C12orf42: variants seen among roughly 807,000 people sequenced by gnomAD.
C12orf42 encodes the protein chromosome 12 open reading frame 42, also known as uncharacterized protein C12orf42.
A neutral mutation model predicts 21.6 loss-of-function variants in C12orf42; 25 were observed. That is an observed-to-expected ratio of 1.16 (90% CI 0.84 to 1.62). The LOEUF (loss-of-function observed/expected upper bound fraction) is 1.62. Among genes scored for constraint, C12orf42 ranks in the 40% most tolerant of loss-of-function variants. The pLI, the probability that C12orf42 is intolerant of heterozygous loss-of-function variation, is 0.00. For missense variants in C12orf42, 483 were observed against 459.3 expected (o/e 1.05, Z -0.47); for synonymous variants, 174 against 175.0 (o/e 0.99, Z 0.05).
At chr12:103,105,690 A>G in the C12orf42 span, among the ~76,000 whole-genome samples, 17 of 152,232 alleles carry the variant, frequency 1.1e-4, no homozygotes, top group Non-Finnish European at 1.9e-4. Context: ...CTGAAAACTC[A>G]GACAGTAGAT....
the C12orf42 span, among the ~76,000 whole-genome samples, chr12:103,067,099 C>T: frequency 1.3e-5 from 2 of 152,200 alleles, no homozygotes. Context: ...CACCATTCCT[C>T]GGAGTAATCA....
chr12:103,425,559 C>T (rs1212507598), intron 2 of C12orf42, among the ~76,000 whole-genome samples: 1 of 152,204 alleles, frequency 6.6e-6, no homozygotes, highest in Admixed American at 6.5e-5. Flanking sequence ...CTGGAGTGGA[C>T]CTCCAGCAAA....
chr12:103,211,526 C>T, the C12orf42 span, among the ~76,000 whole-genome samples: 793 of 152,282 alleles, frequency 5.2e-3, 3 homozygotes, highest in African/African-American at 0.018. Flanking sequence ...AGGCAACTTA[C>T]GAAGCTGGCC....
At chr12:103,399,766 G>A (rs957349541) in intron 3 of C12orf42, among the ~76,000 whole-genome samples, 4 of 151,908 alleles carry the variant, frequency 2.6e-5, no homozygotes, top group African/African-American at 9.7e-5. Flanking sequence ...TCTGACTATT[G>A]TTAGGTGGTC....
chr12:103,390,235 A>G (rs980018291), intron 3 of C12orf42, among the ~76,000 whole-genome samples: 1 of 152,292 alleles, frequency 6.6e-6, no homozygotes, highest in Non-Finnish European at 1.5e-5. Context: ...ACAGCATTTA[A>G]CTATGTTCCA....
intron 2 of C12orf42, among the ~76,000 whole-genome samples, chr12:103,444,289 T>TGG (rs1178474100): frequency 2.0e-5 from 3 of 152,080 alleles, no homozygotes; most frequent in African/African-American, 7.2e-5. Flanking sequence ...GTGGGATTCA[T>TGG]GGGTTTCACA....
chr12:103,498,871 G>T (rs1236439962), upstream of C12orf42, among the ~76,000 whole-genome samples: 4 of 151,704 alleles, frequency 2.6e-5, no homozygotes, highest in East Asian at 5.8e-4. Flanking sequence ...GGGCCTGTTG[G>T]GGGGTGGGGT....
the C12orf42 span, among the ~76,000 whole-genome samples, chr12:103,519,462 G>T: frequency 6.6e-6 from 1 of 151,910 alleles, no homozygotes; most frequent in Non-Finnish European, 1.5e-5. Flanking sequence ...TGGAATCTTG[G>T]TTCAGCACCT....
chr12:103,554,235 C>T, the C12orf42 span, among the ~76,000 whole-genome samples: 1 of 151,934 alleles, frequency 6.6e-6, no homozygotes, highest in Non-Finnish European at 1.5e-5. Context: ...CTTTTCCTAC[C>T]CCAGATATAA....
chr12:103,296,667 G>T (rs1008672482), intron 4 of C12orf42, among the ~76,000 whole-genome samples: 13 of 152,198 alleles, frequency 8.5e-5, no homozygotes, highest in Non-Finnish European at 8.8e-5. Flanking sequence ...CTTCTTTTGA[G>T]AAGTGTCTCT....
At chr12:103,459,769 A>C (rs1371590676) in intron 2 of C12orf42, among the ~76,000 whole-genome samples, 2 of 152,234 alleles carry the variant, frequency 1.3e-5, no homozygotes, top group Non-Finnish European at 2.9e-5. Flanking sequence ...CAAACTGCAA[A>C]TTAACAAGGT....
chr12:103,418,680 G>A (rs1407208536), intron 2 of C12orf42, among the ~76,000 whole-genome samples: 4 of 151,908 alleles, frequency 2.6e-5, no homozygotes, highest in Non-Finnish European at 4.4e-5. Context: ...CCCAGATCAT[G>A]AGCAGCTACT....
intron 2 of C12orf42, among the ~76,000 whole-genome samples, chr12:103,467,248 T>G (rs1386796763): frequency 6.6e-6 from 1 of 152,242 alleles, no homozygotes; most frequent in Non-Finnish European, 1.5e-5. Flanking sequence ...CTAGAATTAT[T>G]AAATATGCAC....
chr12:103,359,412 C>A (rs562530010), intron 4 of C12orf42, among the ~76,000 whole-genome samples: 2 of 152,126 alleles, frequency 1.3e-5, no homozygotes, highest in African/African-American at 4.8e-5. Context: ...ACTGAAACAA[C>A]CCAAATGTTC....
intron 2 of C12orf42, among the ~76,000 whole-genome samples, chr12:103,426,047 G>T (rs551412631): frequency 1.3e-5 from 2 of 152,268 alleles, no homozygotes; most frequent in East Asian, 3.9e-4. Flanking sequence ...AAACCAGAAC[G>T]CCTCTTCTCC....
intron 2 of C12orf42, among the ~76,000 whole-genome samples, chr12:103,416,454 G>A (rs2049342925): frequency 6.6e-6 from 1 of 151,984 alleles, no homozygotes; most frequent in African/African-American, 2.4e-5. Flanking sequence ...CAACTCCACA[G>A]AGAGATTTAG....
rs565983534 is a variant in C12orf42, at chr12:103,271,421, G to A, written n.399-1568C>T. 2.0e-5 allele frequency among the ~76,000 whole-genome samples: 3 copies of A among 152,124 alleles called. 1 individual carries two copies. The South Asian group carries it at 6.2e-4, about 31-fold the overall frequency. On this transcript the variant is annotated intron_variant and non_coding_transcript_variant, in intron 5 of 6. Coordinates refer to the C12orf42 transcript ENST00000546526. ...GCCCTGAACAGTGGCTTTCATACAG[G>A]GTGAGAGGCAAGAAAGTGCAATGGG... is the stretch of plus-strand genomic sequence containing the variant.
chr12:103,177,124 A>G, the C12orf42 span, among the ~76,000 whole-genome samples: 62 of 44,204 alleles, frequency 1.4e-3, no homozygotes, highest in African/African-American at 4.8e-3. Context: ...GGCAAATGGA[A>G]AAAAAAAAAT....
chr12:103,407,943 G>A (rs2048544837), intron 2 of C12orf42, among the ~76,000 whole-genome samples: 1 of 152,174 alleles, frequency 6.6e-6, no homozygotes, highest in Non-Finnish European at 1.5e-5. Flanking sequence ...TGTTGACAAA[G>A]CCACAGCTAG....
Sources: gnomAD v4.1 joint callset for allele counts (sites outside exome capture counted in the v4.1 genomes callset) on GRCh38, gnomAD v4.1.1 for gene constraint, MANE v1.5 for transcripts, NCBI Gene and HGNC (gene_info 2026-07-23, HGNC 2026-07-21) for gene names.